Variants in ADGRL2 observed in about 807,000 individuals in gnomAD.
ADGRL2 encodes the protein calcium-independent alpha-latrotoxin receptor 2.
A neutral mutation model predicts 157.4 loss-of-function variants in ADGRL2; 44 were observed. The ratio of observed to expected loss-of-function variants is 0.28; its 90% CI spans 0.22 to 0.36. The LOEUF (loss-of-function observed/expected upper bound fraction) is 0.36. Ranked by LOEUF, ADGRL2 falls within the 10% of genes least tolerant of loss-of-function variation. The pLI, the probability that ADGRL2 is intolerant of heterozygous loss-of-function variation, is 1.00. For missense variants in ADGRL2, 1,510 were observed against 1,768.9 expected (o/e 0.85, Z 2.63); for synonymous variants, 585 against 624.7 (o/e 0.94, Z 0.95).
At chr1:81,399,930 C>T (rs1052678201) in intron 1 of ADGRL2, among the ~76,000 whole-genome samples, 18 of 151,558 alleles carry the variant, frequency 1.2e-4, no homozygotes, top group Non-Finnish European at 2.6e-4. Context: ...ACACTTTCTA[C>T]AGCAGCTTTT....
chr1:81,800,976 G>T lies in ADGRL2; in HGVS notation c.-193G>T, dbSNP rs2087983927. ...CCTCGCCGCCACCGCCGCCCGGACA[G>T]CCCTGCGGCCGCCCCGCCGGCGGAG... On this transcript the variant is annotated 5_prime_UTR_variant, in exon 1 of 24. Transcript: ENST00000686636. Among the ~76,000 whole-genome samples the T allele has an allele frequency of 6.7e-6, 1 of 149,596 alleles. No individual in the cohort carries two copies. Among genetic ancestry groups the T allele is most frequent in the Admixed American group, 6.6e-5 (1 of 15,048 alleles).
intron 2 of ADGRL2, among the ~76,000 whole-genome samples, chr1:81,448,208 A>C (rs1344486542): frequency 8.0e-6 from 1 of 125,772 alleles, no homozygotes; most frequent in Admixed American, 1.1e-4. Flanking sequence ...ACAGTGGCTT[A>C]ATCTCGGCAC....
At chr1:81,910,244 C>CAATAATAATAAT (rs10631240) in intron 3 of ADGRL2, among the ~76,000 whole-genome samples, 4,441 of 143,008 alleles carry the variant, frequency 0.031, 138 homozygotes, top group African/African-American at 0.083. Flanking sequence ...GCCTAAAAAA[C>CAATAATAATAAT]AATAATAATA....
At chr1:81,377,621 C>CATGGATGTGG (rs1200524381) in intron 1 of ADGRL2, among the ~76,000 whole-genome samples, 1 of 152,054 alleles carries the variant, frequency 6.6e-6, no homozygotes, top group Non-Finnish European at 1.5e-5. Context: ...ATGATACGCA[C>CATGGATGTGG]GTCACCAGCC....
chr1:81,656,092 A>G (rs1461873813), intron 3 of ADGRL2, among the ~76,000 whole-genome samples: 2 of 152,130 alleles, frequency 1.3e-5, no homozygotes, highest in African/African-American at 2.4e-5. Flanking sequence ...ATGATATACT[A>G]TTGTCTTCTA....
intron 2 of ADGRL2, among the ~76,000 whole-genome samples, chr1:81,889,888 G>T (rs2094216483): frequency 6.6e-6 from 1 of 152,166 alleles, no homozygotes; most frequent in Admixed American, 6.5e-5. Flanking sequence ...GAGGAATACA[G>T]ATGTACCCAC....
At chr1:81,755,826 T>G (rs2085669266) in intron 1 of ADGRL2, among the ~76,000 whole-genome samples, 1 of 151,798 alleles carries the variant, frequency 6.6e-6, no homozygotes, top group Non-Finnish European at 1.5e-5. Context: ...CCTGCTGTAT[T>G]AAGCCCAAAC....
At chr1:81,896,077 A>G (rs2094382365) in intron 2 of ADGRL2, among the ~76,000 whole-genome samples, 1 of 152,196 alleles carries the variant, frequency 6.6e-6, no homozygotes, top group Non-Finnish European at 1.5e-5. Flanking sequence ...GGATAGTAAA[A>G]ATTATAAGAG....
chr1:81,817,418 T>G (rs1263445133), intron 1 of ADGRL2, among the ~76,000 whole-genome samples: 1 of 152,086 alleles, frequency 6.6e-6, no homozygotes, highest in African/African-American at 2.4e-5. Context: ...CAAGAGATCA[T>G]GAATTTGGTA....
chr1:81,701,262 AT>A (rs990847027), intron 1 of ADGRL2, among the ~76,000 whole-genome samples: 2 of 152,222 alleles, frequency 1.3e-5, no homozygotes, highest in Non-Finnish European at 2.9e-5. Flanking sequence ...TAGAACACTG[AT>A]TTATAACCAT....
At chr1:81,433,007 C>G (rs1055995564) in intron 1 of ADGRL2, among the ~76,000 whole-genome samples, 4 of 152,084 alleles carry the variant, frequency 2.6e-5, no homozygotes, top group African/African-American at 9.7e-5. Context: ...GTTATGTGTC[C>G]TTCCTTGCTA....
intron 23 of ADGRL2, chr1:81,990,063 A>G (rs1351163043): frequency 2.6e-5 from 26 of 984,872 alleles, no homozygotes; most frequent in Non-Finnish European, 3.1e-5. Context: ...TGCATTAACT[A>G]TGCAAGGGCA....
At chr1:81,386,337 G>C (rs543925738) in intron 1 of ADGRL2, among the ~76,000 whole-genome samples, 1 of 152,118 alleles carries the variant, frequency 6.6e-6, no homozygotes, top group African/African-American at 2.4e-5. Flanking sequence ...TTGGTGTGTG[G>C]TAAGGTAACA....
chr1:81,940,087 T>G (rs1647327650), intron 4 of ADGRL2, among the ~76,000 whole-genome samples: 5 of 151,580 alleles, frequency 3.3e-5, no homozygotes, highest in Admixed American at 2.0e-4. Flanking sequence ...TTTTAGTTTA[T>G]CAAATAACAA....
chr1:81,544,029 G>A (rs899508011), intron 2 of ADGRL2, among the ~76,000 whole-genome samples: 25 of 152,038 alleles, frequency 1.6e-4, no homozygotes, highest in Admixed American at 1.4e-3. Context: ...TGCCTTCTCA[G>A]TGGGACCCGC....
chr1:81,628,315 G>A (rs1419811457), intron 3 of ADGRL2, among the ~76,000 whole-genome samples: 1 of 152,126 alleles, frequency 6.6e-6, no homozygotes, highest in African/African-American at 2.4e-5. Flanking sequence ...TGCCCTCTCG[G>A]AGCTATCATT....
intron 3 of ADGRL2, among the ~76,000 whole-genome samples, chr1:81,618,913 A>G (rs1427578522): frequency 6.6e-6 from 1 of 151,810 alleles, no homozygotes; most frequent in Non-Finnish European, 1.5e-5. Context: ...TGAGTTCTGA[A>G]TTGGGTTTTA....
At chr1:81,826,685 A>T (rs895770745) in intron 1 of ADGRL2, among the ~76,000 whole-genome samples, 1 of 152,182 alleles carries the variant, frequency 6.6e-6, no homozygotes, top group African/African-American at 2.4e-5. Flanking sequence ...GGGAAGGGTG[A>T]AGGCACCATT....
rs760307937 is a variant in ADGRL2, at chr1:81,942,056, T to C, written c.409+11T>C. The C allele has an allele frequency of 1.3e-6, 1 of 770,366 alleles. No individual in the cohort carries two copies. Among genetic ancestry groups the C allele is most frequent in the Non-Finnish European group, 2.4e-6 (1 of 413,066 alleles). 47.7% of individuals were successfully genotyped at this position (770,366 alleles called of 1,614,324 possible). ...AAGTGGAGCAAAAAGGTAAATAACA[T>C]ACAGTCTGAACCCCAGCTCCCTGTT... On this transcript the variant is annotated intron_variant, in intron 5 of 23. Coordinates refer to ENST00000686636, the MANE Select transcript of ADGRL2 (RefSeq NM_001366006.2).
Sources: gnomAD v4.1 joint callset for allele counts (sites outside exome capture counted in the v4.1 genomes callset) on GRCh38, gnomAD v4.1.1 for gene constraint, MANE v1.5 for transcripts, NCBI Gene and HGNC (gene_info 2026-07-23, HGNC 2026-07-21) for gene names.